Variants in CHD7 observed in about 807,000 individuals in gnomAD.
CHD7 encodes chromodomain helicase DNA binding protein 7, also known as ATP-dependent chromatin remodeler CHD7.
CHD7 carries 24 observed loss-of-function variants against 307.3 expected under a neutral mutation model. The ratio of observed to expected loss-of-function variants is 0.08; its 90% CI spans 0.06 to 0.11. The LOEUF (loss-of-function observed/expected upper bound fraction) is 0.11, where lower values mean the gene tolerates loss of function less well. CHD7 is among the 10% of genes least tolerant of loss of function. The pLI is 1.00. For missense variants in CHD7, 3,106 were observed against 3,727.1 expected, an observed-to-expected ratio of 0.83 and a Z score of 4.34; for synonymous variants, 1,363 against 1,349.9, an observed-to-expected ratio of 1.01 and a Z score of -0.21.
Position 60,795,108 on chromosome 8 carries a change from A to G in CHD7, c.2219A>G (p.Asp740Gly), listed in dbSNP as rs761748737. Reference protein sequence around the residue: ...TPPPSPPPEEDEDPGVQKRRS... With the variant: ...TPPPSPPPEEGEDPGVQKRRS... The stretch of plus-strand genomic sequence containing the variant: ...CCACCATCTCCTCCTCCTGAAGAAG[A>G]TGAGGACCCAGGTGTTCAGGTAATA... The change falls in exon 4 of 38, where the codon GAT becomes GGT. Residue 740 changes from aspartate (D) to glycine (G), a missense_variant. Physicochemically the swap from Asp to Gly is moderately conservative, Grantham distance 94. Transcript: ENST00000423902. 6.2e-7 allele frequency: 1 copy of G among 1,613,600 alleles called. No individual in the cohort carries two copies. Among genetic ancestry groups the G allele is most frequent in the Middle Eastern group, 1.7e-4 (1 of 6,060 alleles).
intron 1 of CHD7, among the ~76,000 whole-genome samples, chr8:60,734,630 G>A (rs1808613763): frequency 1.3e-5 from 2 of 152,212 alleles, no homozygotes; most frequent in South Asian, 4.1e-4. Context: ...GACCATGGGT[G>A]TGAAGGCGAG....
At chr8:60,820,639 G>C (rs1237322832) in intron 9 of CHD7, among the ~76,000 whole-genome samples, 1 of 152,192 alleles carries the variant, frequency 6.6e-6, no homozygotes, top group Non-Finnish European at 1.5e-5. Context: ...CAAGTGTAGT[G>C]ACTTCTGAGT....
Position 60,729,240 on chromosome 8 carries a change from G to A in CHD7, c.-174-12019G>A, listed in dbSNP as rs184578596. On this transcript the variant is annotated intron_variant, in intron 1 of 37. Coordinates refer to ENST00000423902, the MANE Select transcript of CHD7 (RefSeq NM_017780.4). Reference sequence around the variant, plus strand: ...TGAATGTGTAGAGCTCCAGACAGGTGCCCAGCCAAAGCACAGAGTGCTTGT... The same window carrying A: ...TGAATGTGTAGAGCTCCAGACAGGTACCCAGCCAAAGCACAGAGTGCTTGT... 2.7e-3 allele frequency among the ~76,000 whole-genome samples: 412 copies of A among 150,466 alleles called. 1 individual carries two copies. Among genetic ancestry groups the A allele is most frequent in the African/African-American group, 9.6e-3 (394 of 40,908 alleles).
chr8:60,858,246 ACT>A lies in CHD7; in HGVS notation c.7608+1361_7608+1362del, dbSNP rs139708212. Among the ~76,000 whole-genome samples, 491 of 152,202 alleles carry A rather than the reference ACT, an allele frequency of 3.2e-3. 2 individuals carry two copies. The highest frequency in any genetic ancestry group is 0.011 in the African/African-American group (448 of 41,526). On this transcript the variant is annotated intron_variant, in intron 34 of 37. Transcript: ENST00000423902. ...ACTCCAGCCTGGGTGACAGAGTGAG[ACT>A]CTGTCTCAAAAAAATAAAGAAAATT...
rs776228812 is a variant in CHD7, at chr8:60,867,298, AAC to A, written c.*1369_*1370del. ...TTTATCCTTGGTTAATGGGTAGAAA[AAC>A]ACAATGCGGTAGTGTCAGCAAGGGA... On this transcript the variant is annotated 3_prime_UTR_variant, in exon 38 of 38. Transcript: ENST00000423902. 1.3e-5 allele frequency: 2 copies of A among 152,218 alleles called. No individual in the cohort carries two copies. The highest frequency in any genetic ancestry group is 2.9e-5 in the Non-Finnish European group (2 of 68,038). The allele number at this position is 152,218 out of a possible 1,614,324, so 9.4% of individuals were successfully genotyped here.
intron 1 of CHD7, among the ~76,000 whole-genome samples, chr8:60,697,413 C>CA (rs1379393469): frequency 3.3e-5 from 5 of 152,238 alleles, no homozygotes; most frequent in African/African-American, 9.6e-5. Context: ...AATTTACCCT[C>CA]AAACATTATT....
intron 33 of CHD7, 70 bp from the exon 34 acceptor site, chr8:60,856,375 T>C (rs1805707900): frequency 1.4e-6 from 2 of 1,434,482 alleles, no homozygotes; most frequent in Admixed American, 5.2e-5. Flanking sequence ...TCCTTATTTC[T>C]AAAAGCCAGC....
chr8:60,727,681 C>G (rs1808238410), intron 1 of CHD7, among the ~76,000 whole-genome samples: 1 of 152,126 alleles, frequency 6.6e-6, no homozygotes, highest in South Asian at 2.1e-4. Flanking sequence ...TCTAAATATG[C>G]TTTTGGGTTG....
intron 15 of CHD7, among the ~76,000 whole-genome samples, chr8:60,835,458 T>A (rs1206144509): frequency 6.6e-6 from 1 of 152,240 alleles, no homozygotes; most frequent in East Asian, 1.9e-4. Context: ...AATTACCAGA[T>A]GGGAATGAAT....
chr8:60,765,221 ACACACAC>A (rs1810408953), intron 2 of CHD7, among the ~76,000 whole-genome samples: 2 of 151,506 alleles, frequency 1.3e-5, no homozygotes, highest in Non-Finnish European at 2.9e-5. Flanking sequence ...ACACACACAC[ACACACAC>A]ACGCACACGC....
At chr8:60,855,917 C>G (rs1187485941) in intron 32 of CHD7, 58 bp from the exon 33 acceptor site, 4 of 1,121,292 alleles carry the variant, frequency 3.6e-6, no homozygotes, top group Admixed American at 4.0e-5. Context: ...ATGTATTTAT[C>G]TAGTAATTTT....
chr8:60,790,707 C>T (rs375867383), intron 3 of CHD7, among the ~76,000 whole-genome samples: 8 of 152,208 alleles, frequency 5.3e-5, no homozygotes, highest in South Asian at 2.1e-4. Flanking sequence ...GAAATGTAAA[C>T]GTAATAAGAC....
chr8:60,747,764 T>G (rs953976389), intron 2 of CHD7, among the ~76,000 whole-genome samples: 2 of 152,218 alleles, frequency 1.3e-5, no homozygotes, highest in Admixed American at 1.3e-4. Context: ...GTCTGAGTTT[T>G]TGAATAGGAG....
chr8:60,846,184 A>G (rs1805202539), intron 23 of CHD7, among the ~76,000 whole-genome samples: 1 of 152,146 alleles, frequency 6.6e-6, no homozygotes, highest in Non-Finnish European at 1.5e-5. Flanking sequence ...CTGGTTTTTA[A>G]CCAGTATCGG....
At chr8:60,820,579 A>G (rs1221896500) in intron 9 of CHD7, among the ~76,000 whole-genome samples, 2 of 152,200 alleles carry the variant, frequency 1.3e-5, no homozygotes, top group African/African-American at 4.8e-5. Context: ...TTGCTTTGCA[A>G]AACTCTGTAA....
At position 60,732,027 on chromosome 8, in the gene CHD7, A is replaced by C. The variant is rs149297313; in HGVS notation, c.-174-9232A>C. Among the ~76,000 whole-genome samples the C allele has an allele frequency of 7.2e-5, 11 of 152,352 alleles. No individual in the cohort carries two copies. The East Asian group carries it at 2.1e-3, about 29-fold the overall frequency. On this transcript the variant is annotated intron_variant, in intron 1 of 37. Coordinates refer to ENST00000423902, the MANE Select transcript of CHD7 (RefSeq NM_017780.4). Reference sequence around the variant, plus strand: ...TGATGGATAAGACTCCCTTCCTATCACATGTGCACTGTTCTAGCAAAGAGA... The same window carrying C: ...TGATGGATAAGACTCCCTTCCTATCCCATGTGCACTGTTCTAGCAAAGAGA...
rs1003252522 is a variant in CHD7, at chr8:60,836,380, G to A, written c.3989+97G>A. On this transcript the variant is annotated intron_variant, in intron 16 of 37. Transcript: ENST00000423902. ...CTAAAAGTGGAATCTATGATAAAGG[G>A]GCTAGAATGGGGGAAGTGCATCACA... is the stretch of plus-strand genomic sequence containing the variant. 7 of 933,786 alleles carry A rather than the reference G, an allele frequency of 7.5e-6. No individual in the cohort carries two copies. The African/African-American group carries it at 1.0e-4, about 13-fold the overall frequency. 57.8% of individuals were successfully genotyped at this position (933,786 alleles called of 1,614,324 possible). A position where few individuals can be genotyped will look rare whatever the true frequency, so the allele number is the denominator to read the frequency against.
chr8:60,768,323 G>A (rs919438619), intron 2 of CHD7, among the ~76,000 whole-genome samples: 2 of 152,204 alleles, frequency 1.3e-5, no homozygotes, highest in Non-Finnish European at 2.9e-5. Flanking sequence ...AGATGAGGAA[G>A]TTGAGGCATC....
At chr8:60,737,152 G>A (rs767105338) in intron 1 of CHD7, among the ~76,000 whole-genome samples, 28 of 151,880 alleles carry the variant, frequency 1.8e-4, no homozygotes, top group Non-Finnish European at 3.7e-4. Context: ...GGATCTGCCC[G>A]TTTTTCATTT....
Sources: allele counts gnomAD v4.1 joint callset (sites outside exome capture counted in the v4.1 genomes callset), GRCh38; gene constraint gnomAD v4.1.1; transcripts MANE v1.5; gene names NCBI Gene and HGNC (gene_info 2026-07-23, HGNC 2026-07-21).